Variants in ARHGAP10 observed in about 807,000 individuals in gnomAD.
The protein encoded by ARHGAP10 is Rho GTPase activating protein 10.
ARHGAP10 carries 87 observed loss-of-function variants against 108.6 expected under a neutral mutation model. That is an observed-to-expected ratio of 0.80 (90% CI 0.67 to 0.96). The LOEUF (loss-of-function observed/expected upper bound fraction) is 0.96. Ranked by LOEUF, ARHGAP10 falls within the 40% of genes least tolerant of loss-of-function variation. The pLI is 0.00. For synonymous variants in ARHGAP10, 347 were observed against 341.1 expected, an observed-to-expected ratio of 1.02 and a Z score of -0.19; for missense variants, 939 against 954.5, an observed-to-expected ratio of 0.98 and a Z score of 0.21.
intron 18 of ARHGAP10, among the ~76,000 whole-genome samples, chr4:147,969,173 A>G (rs971306858): frequency 6.6e-6 from 1 of 152,198 alleles, no homozygotes; most frequent in East Asian, 1.9e-4. Flanking sequence ...TTTCTTGGGT[A>G]CTTGTTGCAT....
chr4:147,846,504 C>G (rs1463822514), intron 3 of ARHGAP10, among the ~76,000 whole-genome samples: 1 of 152,146 alleles, frequency 6.6e-6, no homozygotes, highest in East Asian at 1.9e-4. Flanking sequence ...TGTGGCTTAA[C>G]ATGAAAATCC....
At chr4:148,026,471 T>C (rs1031199651) in intron 19 of ARHGAP10, among the ~76,000 whole-genome samples, 1 of 152,188 alleles carries the variant, frequency 6.6e-6, no homozygotes, top group African/African-American at 2.4e-5. Context: ...GTCTTTACTT[T>C]AGTAAAGACT....
At chr4:147,944,108 G>A (rs1165653553) in intron 14 of ARHGAP10, among the ~76,000 whole-genome samples, 1 of 152,182 alleles carries the variant, frequency 6.6e-6, no homozygotes, top group African/African-American at 2.4e-5. Flanking sequence ...ATGTTAAAAC[G>A]AGATTTAAAT....
chr4:147,947,844 G>A (rs1250546476), intron 15 of ARHGAP10, among the ~76,000 whole-genome samples: 2 of 151,958 alleles, frequency 1.3e-5, no homozygotes, highest in Admixed American at 1.3e-4. Context: ...TACATAAGAT[G>A]AGAGTTTAGT....
At chr4:147,930,595 C>G (rs981014882) in intron 13 of ARHGAP10, among the ~76,000 whole-genome samples, 1 of 152,150 alleles carries the variant, frequency 6.6e-6, no homozygotes, top group South Asian at 2.1e-4. Context: ...TATAAGTACT[C>G]AGCAATTCCT....
At chr4:147,753,001 C>T (rs1271322034) in intron 1 of ARHGAP10, among the ~76,000 whole-genome samples, 1 of 152,080 alleles carries the variant, frequency 6.6e-6, no homozygotes, top group Non-Finnish European at 1.5e-5. Context: ...AAATTTTCTC[C>T]AGATTCACCT....
Position 147,972,487 on chromosome 4 carries a change from G to C in ARHGAP10, c.1716+5648G>C, listed in dbSNP as rs115037773. Among the ~76,000 whole-genome samples, 1,061 of 152,176 alleles carry C rather than the reference G, an allele frequency of 7.0e-3. 6 individuals are homozygous for C. The highest frequency in any genetic ancestry group is 0.034 in the Middle Eastern group (10 of 294). On this transcript the variant is annotated intron_variant, in intron 18 of 22. Coordinates refer to ENST00000336498, the MANE Select transcript of ARHGAP10 (RefSeq NM_024605.4). Reference sequence around the variant, plus strand: ...ACAGCTAGTAAAAGTGAAGTGCTTGGGTTTGAACTGAGATTGACCCCCAAA... The same window carrying C: ...ACAGCTAGTAAAAGTGAAGTGCTTGCGTTTGAACTGAGATTGACCCCCAAA...
rs57348496 is a variant in ARHGAP10 at position 147,870,928 on chromosome 4, CTGTGTGTGTGTGTGTGTG to C, written c.703-4063_703-4046del. On this transcript the variant is annotated intron_variant, in intron 7 of 22. Coordinates refer to ENST00000336498, the MANE Select transcript of ARHGAP10 (RefSeq NM_024605.4). ...GAAAGTAGAATACCAAAACTACAGA[CTGTGTGTGTGTGTGTGTG>C]TGTGTGTGTGTGTGTGTGTGTGTGT... 7.5e-3 allele frequency among the ~76,000 whole-genome samples: 1,038 copies of C among 139,136 alleles called. 6 individuals carry two copies. The highest frequency in any genetic ancestry group is 0.024 in the African/African-American group (911 of 38,242). The allele number at this position is 139,136 out of a possible 152,430, so 91.3% of individuals were successfully genotyped here.
At chr4:147,967,980 A>G (rs967479636) in intron 18 of ARHGAP10, among the ~76,000 whole-genome samples, 27 of 152,230 alleles carry the variant, frequency 1.8e-4, no homozygotes, top group African/African-American at 5.3e-4. Flanking sequence ...TCAGTCTGGA[A>G]CACGAAAAGA....
intron 1 of ARHGAP10, among the ~76,000 whole-genome samples, chr4:147,793,799 G>T (rs1021257238): frequency 1.3e-5 from 2 of 152,164 alleles, no homozygotes; most frequent in Non-Finnish European, 2.9e-5. Flanking sequence ...TTAACAGTAA[G>T]CTTCTTGACC....
intron 3 of ARHGAP10, among the ~76,000 whole-genome samples, chr4:147,823,474 T>C (rs2126787417): frequency 6.6e-6 from 1 of 152,184 alleles, no homozygotes; most frequent in South Asian, 2.1e-4. Flanking sequence ...AGAACTACCC[T>C]TGGCCAGGCA....
intron 13 of ARHGAP10, among the ~76,000 whole-genome samples, chr4:147,925,972 C>T (rs1354039636): frequency 2.0e-5 from 3 of 152,348 alleles, no homozygotes. Context: ...CTAGGAGACA[C>T]CATCTCTATT....
chr4:147,962,872 G>A (rs1195282415), intron 16 of ARHGAP10, among the ~76,000 whole-genome samples: 1 of 152,104 alleles, frequency 6.6e-6, no homozygotes, highest in East Asian at 1.9e-4. Context: ...TGTTGGCCAT[G>A]CTGGTCTTGA....
chr4:147,732,584 C>T, intron 1 of ARHGAP10, 129 bp downstream of exon 1: 1 of 1,307,408 alleles, frequency 7.6e-7, no homozygotes, highest in Admixed American at 2.6e-5. Flanking sequence ...CATTCCGGAC[C>T]AGCCCAGCTC....
At chr4:147,766,840 T>TATATATATA (rs1560747076) in intron 1 of ARHGAP10, among the ~76,000 whole-genome samples, 3 of 107,176 alleles carry the variant, frequency 2.8e-5, no homozygotes, top group African/African-American at 1.4e-4. Context: ...ATATATATAT[T>TATATATATA]TATTTATTTA....
chr4:148,017,547 C>T (rs943393182), intron 18 of ARHGAP10, among the ~76,000 whole-genome samples: 7 of 150,952 alleles, frequency 4.6e-5, no homozygotes, highest in African/African-American at 1.7e-4. Flanking sequence ...GGGAAGATAC[C>T]TACTTTGGGG....
At chr4:147,923,696 C>T (rs7666206) in intron 13 of ARHGAP10, among the ~76,000 whole-genome samples, 20,032 of 152,140 alleles carry the variant, frequency 0.13, 2,852 homozygotes, top group African/African-American at 0.34. Flanking sequence ...AATTTATCTT[C>T]CTTTGCAAAG....
chr4:147,774,415 T>A (rs1730202515), intron 1 of ARHGAP10, among the ~76,000 whole-genome samples: 1 of 152,166 alleles, frequency 6.6e-6, no homozygotes, highest in South Asian at 2.1e-4. Context: ...CCTGTAAGAG[T>A]GTGCAGGTGG....
chr4:147,945,280 C>T (rs1008350972), intron 14 of ARHGAP10, among the ~76,000 whole-genome samples: 3 of 152,072 alleles, frequency 2.0e-5, no homozygotes, highest in Non-Finnish European at 4.4e-5. Context: ...TTTACTAACT[C>T]TCCCATCTCC....
Sources: allele counts gnomAD v4.1 joint callset (sites outside exome capture counted in the v4.1 genomes callset), GRCh38; gene constraint gnomAD v4.1.1; transcripts MANE v1.5; gene names NCBI Gene and HGNC (gene_info 2026-07-23, HGNC 2026-07-21).